PDXK: variants seen among roughly 807,000 people sequenced by gnomAD.
PDXK encodes epididymis secretory sperm binding protein Li 1a.
A neutral mutation model predicts 43.2 loss-of-function variants in PDXK; 15 were observed. The observed-to-expected ratio is 0.35, with a 90% CI of 0.23 to 0.53. The LOEUF (loss-of-function observed/expected upper bound fraction) is 0.53, where lower values mean the gene tolerates loss of function less well. Among genes scored for constraint, PDXK ranks in the 20% least tolerant of loss-of-function variants. The pLI, the probability that PDXK is intolerant of heterozygous loss-of-function variation, is 0.92. For synonymous variants in PDXK, 172 were observed against 165.4 expected (o/e 1.04, Z -0.31); for missense variants, 343 against 417.0 (o/e 0.82, Z 1.54).
At chr21:43,739,356 A>G (rs185755370) in intron 2 of PDXK, among the ~76,000 whole-genome samples, 28 of 152,218 alleles carry the variant, frequency 1.8e-4, no homozygotes, top group Admixed American at 9.8e-4. Flanking sequence ...GTCTCTTCTC[A>G]TTCCTTTGTC....
chr21:43,725,522 G>A (rs1188229558), intron 1 of PDXK, among the ~76,000 whole-genome samples: 3 of 151,992 alleles, frequency 2.0e-5, no homozygotes, highest in Non-Finnish European at 4.4e-5. Context: ...AAAAAAGCCA[G>A]CGCTGGGCCA....
chr21:43,719,498 C>A (rs1247702104), intron 1 of PDXK, 117 bp downstream of exon 1: 3 of 1,315,800 alleles, frequency 2.3e-6, no homozygotes, highest in Non-Finnish European at 3.0e-6. Flanking sequence ...CAGAGCCTGG[C>A]GCGGGCGCCC....
chr21:43,727,226 C>A (rs73369494), intron 1 of PDXK, among the ~76,000 whole-genome samples: 19,166 of 152,198 alleles, frequency 0.13, 1,459 homozygotes, highest in African/African-American at 0.21. Flanking sequence ...AAATGGAATC[C>A]TGCGTGCCCA....
At chr21:43,740,574 A>G (rs754975312) in intron 2 of PDXK, among the ~76,000 whole-genome samples, 4 of 151,952 alleles carry the variant, frequency 2.6e-5, no homozygotes, top group Non-Finnish European at 5.9e-5. Context: ...CCCCCTGAGC[A>G]GTGCTTTGAG....
intron 6 of PDXK, among the ~76,000 whole-genome samples, chr21:43,749,611 C>T (rs572726917): frequency 1.6e-4 from 24 of 152,336 alleles, no homozygotes; most frequent in African/African-American, 5.8e-4. Flanking sequence ...CCCCTGCCCA[C>T]CTGGGTCCCA....
Position 43,741,686 on chromosome 21 carries a change from C to G in PDXK, c.162C>G (p.Gly54=). The part of the protein sequence containing the change: ...SNHTGYAHWK[G]QVLNSDELQE... ...CTCTAGGCTATGCCCACTGGAAGGGCCAAGTGCTGAATTCAGATGAGCTCC... is the reference window on the plus strand; with the variant it reads ...CTCTAGGCTATGCCCACTGGAAGGGGCAAGTGCTGAATTCAGATGAGCTCC... Residue 54 remains glycine, a synonymous_variant, in exon 3 of 11, where the codon GGC becomes GGG. Coordinates refer to ENST00000291565, the MANE Select transcript of PDXK (RefSeq NM_003681.5). 6.2e-7 allele frequency: 1 copy of G among 1,612,786 alleles called. No individual in the cohort carries two copies. The highest frequency in any genetic ancestry group is 8.5e-7 in the Non-Finnish European group (1 of 1,179,116).
At position 43,734,257 on chromosome 21, in the gene PDXK, C is replaced by G. The variant is rs1249210419; in HGVS notation, c.142+134C>G. On this transcript the variant is annotated intron_variant, in intron 2 of 10. Transcript: ENST00000291565. The surrounding 1 kb of genome is among the most constrained non-coding windows in gnomAD (Gnocchi z 5.0). Reference sequence around the variant, plus strand: ...TTTCGTGTGGACGGGGACCTGGAGTCCTGGGCGTCGCTCGGGCAGAGCCTG... The same window carrying G: ...TTTCGTGTGGACGGGGACCTGGAGTGCTGGGCGTCGCTCGGGCAGAGCCTG... 2 of 831,552 alleles carry G rather than the reference C, an allele frequency of 2.4e-6. No homozygotes were observed. Among genetic ancestry groups the G allele is most frequent in the African/African-American group, 1.7e-5 (1 of 60,478 alleles). 51.5% of individuals were successfully genotyped at this position (831,552 alleles called of 1,614,324 possible).
chr21:43,732,717 C>G lies in PDXK; in HGVS notation c.88-1352C>G. The G allele has an allele frequency of 1.4e-6, 1 of 720,916 alleles. No individual in the cohort carries two copies. The highest frequency in any genetic ancestry group is 1.5e-5 in the South Asian group (1 of 65,804). The allele number at this position is 720,916 out of a possible 1,614,324, so 44.7% of individuals were successfully genotyped here. ...TAGAGGCTGTGGATTCGGGCTGGTACATTTGCAAAGTGCCCATTTTATTTT... is the reference window on the plus strand; with the variant it reads ...TAGAGGCTGTGGATTCGGGCTGGTAGATTTGCAAAGTGCCCATTTTATTTT... On this transcript the variant is annotated intron_variant, in intron 1 of 10. Transcript: ENST00000291565. This position sits in a 1 kb window ranked among gnomAD's most constrained non-coding sequence, Gnocchi z 4.1.
chr21:43,747,516 G>A (rs2083659423), intron 5 of PDXK, among the ~76,000 whole-genome samples: 1 of 152,242 alleles, frequency 6.6e-6, no homozygotes, highest in African/African-American at 2.4e-5. Flanking sequence ...CTAACTGGGT[G>A]GGGCGGGCTG....
At chr21:43,725,644 T>C (rs750754786) in intron 1 of PDXK, among the ~76,000 whole-genome samples, 1 of 151,966 alleles carries the variant, frequency 6.6e-6, no homozygotes, top group Non-Finnish European at 1.5e-5. Flanking sequence ...GCTCCATCTC[T>C]ACTAAAAATA....
chr21:43,721,169 G>A (rs1023376112), intron 1 of PDXK, among the ~76,000 whole-genome samples: 1 of 152,254 alleles, frequency 6.6e-6, no homozygotes, highest in African/African-American at 2.4e-5. Flanking sequence ...TGAGATGGCT[G>A]GAGACCCAGC....
At chr21:43,752,013 G>T (rs1398969576) in intron 7 of PDXK, among the ~76,000 whole-genome samples, 1 of 152,190 alleles carries the variant, frequency 6.6e-6, no homozygotes, top group African/African-American at 2.4e-5. Flanking sequence ...CGCTGACCTG[G>T]TATTGGGTCC....
rs184559008 is a variant in PDXK, at chr21:43,719,163, C to A, written c.-132C>A. ...AGGCGTCTGCGCTGATCGGGTCCGCCGCGCGCCAGAGCCAGAGTCGCAGCC... is the reference window on the plus strand; with the variant it reads ...AGGCGTCTGCGCTGATCGGGTCCGCAGCGCGCCAGAGCCAGAGTCGCAGCC... On this transcript the variant is annotated 5_prime_UTR_variant, in exon 1 of 11. Transcript: ENST00000291565. The A allele has an allele frequency of 5.7e-3, 2,139 of 377,836 alleles. 48 individuals are homozygous for A. Among genetic ancestry groups the A allele is most frequent in the African/African-American group, 0.042 (1,935 of 46,434 alleles). 23.4% of individuals were successfully genotyped at this position (377,836 alleles called of 1,614,324 possible).
chr21:43,728,719 C>A, intron 1 of PDXK: 5 of 985,630 alleles, frequency 5.1e-6, no homozygotes, highest in Non-Finnish European at 6.0e-6. Context: ...GCTGCTCACA[C>A]CACCGGCCGA....
Position 43,750,549 on chromosome 21 carries a change from A to G in PDXK, c.510+4A>G. 6.2e-7 allele frequency: 1 copy of G among 1,612,418 alleles called. No individual in the cohort carries two copies. On this transcript the variant is annotated splice_donor_region_variant and intron_variant, in intron 7 of 10. Coordinates refer to ENST00000291565, the MANE Select transcript of PDXK (RefSeq NM_003681.5). ...CAGCCAGGAGGAAGCCTTGCGGGTAAGGAGGCCCTCTGGGGCCTGTGCGGG... is the reference window on the plus strand; with the variant it reads ...CAGCCAGGAGGAAGCCTTGCGGGTAGGGAGGCCCTCTGGGGCCTGTGCGGG...
At chr21:43,740,659 C>G (rs139507797) in intron 2 of PDXK, among the ~76,000 whole-genome samples, 1 of 151,876 alleles carries the variant, frequency 6.6e-6, no homozygotes, top group Admixed American at 6.6e-5. Context: ...AGGAAGCCGA[C>G]GCGTCTGTCC....
In PDXK at chr21:43,760,598, C is replaced by A. The variant is rs1436024520; in HGVS notation, c.*4535C>A. ...GGCCAGGTCCCTGCGTCCATCCCCC[C>A]CGGTAGGATGGACGTGAGCCATCCT... On this transcript the variant is annotated 3_prime_UTR_variant, in exon 11 of 11. Transcript: ENST00000291565. The A allele has an allele frequency of 2.6e-5, 4 of 152,262 alleles. No homozygotes were observed. Among genetic ancestry groups the A allele is most frequent in the Admixed American group, 2.6e-4 (4 of 15,290 alleles). The allele number at this position is 152,262 out of a possible 1,614,324, so 9.4% of individuals were successfully genotyped here. A position where few individuals can be genotyped will look rare whatever the true frequency, so the allele number is the denominator to read the frequency against.
intron 7 of PDXK, 91 bp from the exon 8 acceptor site, chr21:43,752,427 C>T (rs2083769946): frequency 1.2e-6 from 1 of 851,022 alleles, no homozygotes; most frequent in Non-Finnish European, 1.9e-6. Context: ...CTCCCCGTGC[C>T]ACTGCCAGGT....
At position 43,761,795 on chromosome 21, in the gene PDXK, G is replaced by GCT. The variant is rs2083936556; in HGVS notation, c.*5734_*5735dup. On this transcript the variant is annotated 3_prime_UTR_variant, in exon 11 of 11. Coordinates refer to ENST00000291565, the MANE Select transcript of PDXK (RefSeq NM_003681.5). ...GAGCAGCTGGGAGAACCTGTGTCAA[G>GCT]CTCGAGCCGTCATAGGTCCCCATGA... is the stretch of plus-strand genomic sequence containing the variant. 2.0e-5 allele frequency: 3 copies of GCT among 152,496 alleles called. No homozygotes were observed. The highest frequency in any genetic ancestry group is 2.0e-4 in the Admixed American group (3 of 15,292). The allele number at this position is 152,496 out of a possible 1,614,324, so 9.4% of individuals were successfully genotyped here.
Sources: gnomAD v4.1 joint callset for allele counts (sites outside exome capture counted in the v4.1 genomes callset) on GRCh38, gnomAD v4.1.1 for gene constraint, Gnocchi (gnomAD v3.1) non-coding constraint, MANE v1.5 for transcripts, NCBI Gene and HGNC (gene_info 2026-07-23, HGNC 2026-07-21) for gene names.